The following CDH12 variants were observed in gnomAD, a reference collection of about 807,000 sequenced individuals.
CDH12 encodes cadherin 12, also known as cadherin-12.
In CDH12, 41 loss-of-function variants were observed where a neutral mutation model predicts 74.1. The observed-to-expected ratio is 0.55, with a 90% confidence interval of 0.43 to 0.72. The LOEUF (loss-of-function observed/expected upper bound fraction) is 0.72. Ranked by LOEUF, CDH12 falls within the 30% of genes least tolerant of loss-of-function variation. The pLI, the probability that CDH12 is intolerant of heterozygous loss-of-function variation, is 0.00. For synonymous variants in CDH12, 399 were observed against 355.0 expected (o/e 1.12, Z -1.39); for missense variants, 945 against 977.2 (o/e 0.97, Z 0.44).
chr5:22,395,204 A>G (rs1243616781), intron 3 of CDH12, among the ~76,000 whole-genome samples: 1 of 152,168 alleles, frequency 6.6e-6, no homozygotes, highest in Non-Finnish European at 1.5e-5. Context: ...TGAGTCAGAC[A>G]AAAGAGGAGA....
chr5:21,898,070 G>A (rs1172686548), intron 6 of CDH12, among the ~76,000 whole-genome samples: 1 of 151,852 alleles, frequency 6.6e-6, no homozygotes, highest in African/African-American at 2.4e-5. Context: ...ATGACCTTAT[G>A]TAGTAAAAGT....
chr5:22,165,475 A>G (rs1432275662), intron 4 of CDH12, among the ~76,000 whole-genome samples: 1 of 140,962 alleles, frequency 7.1e-6, no homozygotes, highest in East Asian at 2.1e-4. Context: ...CCAGCCTCCC[A>G]ACACACATAC....
intron 2 of CDH12, among the ~76,000 whole-genome samples, chr5:22,439,128 T>C (rs1744521876): frequency 6.6e-6 from 1 of 151,860 alleles, no homozygotes; most frequent in Non-Finnish European, 1.5e-5. Flanking sequence ...AAAACTTGCA[T>C]TATGACCTCC....
intron 6 of CDH12, among the ~76,000 whole-genome samples, chr5:21,880,125 C>T (rs2150029796): frequency 6.6e-6 from 1 of 152,300 alleles, no homozygotes; most frequent in South Asian, 2.1e-4. Context: ...TTACTTCTTA[C>T]AGTACTGAAC....
intron 3 of CDH12, among the ~76,000 whole-genome samples, chr5:22,276,113 A>G (rs138242761): frequency 9.8e-5 from 15 of 152,322 alleles, no homozygotes; most frequent in South Asian, 8.3e-4. Context: ...TAGTTAATTG[A>G]TGCCATGTAG....
intron 5 of CDH12, among the ~76,000 whole-genome samples, chr5:21,983,791 T>A (rs1757407562): frequency 6.6e-6 from 1 of 152,142 alleles, no homozygotes; most frequent in Non-Finnish European, 1.5e-5. Flanking sequence ...AGCAATAAAT[T>A]TATATTACTT....
chr5:22,193,448 C>T lies in CDH12; in HGVS notation c.-187+19050G>A, dbSNP rs564188966. ...ATGTAAGTATTTTTGTCTCTTTTTG[C>T]TGGTTACTTTCCTAGGCATTGAGGA... On this transcript the variant is annotated intron_variant, in intron 4 of 14. Coordinates refer to ENST00000382254, the MANE Select transcript of CDH12 (RefSeq NM_004061.5). 2.0e-4 allele frequency among the ~76,000 whole-genome samples: 31 copies of T among 152,254 alleles called. No individual in the cohort carries two copies. The East Asian group carries it at 2.5e-3, about 12-fold the overall frequency.
intron 1 of CDH12, among the ~76,000 whole-genome samples, chr5:22,706,945 A>G (rs982730610): frequency 6.6e-6 from 1 of 152,184 alleles, no homozygotes; most frequent in African/African-American, 2.4e-5. Context: ...TTTACACCCA[A>G]ACAAGACAGG....
intron 3 of CDH12, among the ~76,000 whole-genome samples, chr5:22,374,542 T>A (rs1307883632): frequency 6.6e-6 from 1 of 152,096 alleles, no homozygotes; most frequent in African/African-American, 2.4e-5. Context: ...GGTGATATAA[T>A]CTTACATCTA....
In CDH12 at chr5:22,552,254, T is replaced by C. The variant is rs576037926; in HGVS notation, c.-522-46890A>G. 1.2e-4 allele frequency among the ~76,000 whole-genome samples: 18 copies of C among 152,226 alleles called. No homozygotes were observed. In the East Asian group the frequency reaches 3.5e-3, roughly 29 times the overall value. On this transcript the variant is annotated intron_variant, in intron 1 of 14. Coordinates refer to ENST00000382254, the MANE Select transcript of CDH12 (RefSeq NM_004061.5). ...TCCCCAAGCTCATGTTTTCCTAAGA[T>C]CTCTTGTTGTTGCTTTTTTAAAACA...
chr5:22,518,072 G>C (rs1736882840), intron 1 of CDH12, among the ~76,000 whole-genome samples: 1 of 152,174 alleles, frequency 6.6e-6, no homozygotes, highest in Non-Finnish European at 1.5e-5. Context: ...GTTTTGTGGG[G>C]TCCCTGTCTG....
chr5:21,759,415 C>CTAAATAAATAAA (rs370887379), intron 13 of CDH12, among the ~76,000 whole-genome samples: 6 of 151,554 alleles, frequency 4.0e-5, no homozygotes, highest in African/African-American at 1.5e-4. Flanking sequence ...CTCCCTCCCT[C>CTAAATAAATAAA]TAAATAAATA....
intron 4 of CDH12, among the ~76,000 whole-genome samples, chr5:22,146,126 T>C (rs937758649): frequency 1.3e-5 from 2 of 152,066 alleles, no homozygotes; most frequent in East Asian, 1.9e-4. Flanking sequence ...TTCTAATCAA[T>C]ATTAGTTAAT....
At chr5:22,088,313 G>C (rs1315620775) in intron 4 of CDH12, among the ~76,000 whole-genome samples, 2 of 152,084 alleles carry the variant, frequency 1.3e-5, no homozygotes, top group African/African-American at 4.8e-5. Flanking sequence ...TTTCTAGTGG[G>C]TGTGGAGGAG....
chr5:21,895,818 T>C (rs913505733), intron 6 of CDH12, among the ~76,000 whole-genome samples: 1 of 152,036 alleles, frequency 6.6e-6, no homozygotes, highest in Admixed American at 6.6e-5. Context: ...CAAATAACTG[T>C]GCATGAGGGT....
intron 1 of CDH12, among the ~76,000 whole-genome samples, chr5:22,646,730 A>G (rs1282246193): frequency 6.6e-6 from 1 of 151,916 alleles, no homozygotes; most frequent in Non-Finnish European, 1.5e-5. Context: ...AGAATGCAGG[A>G]CAATTCAAAT....
chr5:21,943,167 A>C (rs1755416500), intron 6 of CDH12, among the ~76,000 whole-genome samples: 1 of 152,170 alleles, frequency 6.6e-6, no homozygotes. Context: ...AGCCATGCAG[A>C]ACTGTGAGTC....
At chr5:21,767,180 T>C (rs1017730540) in intron 11 of CDH12, among the ~76,000 whole-genome samples, 3 of 151,874 alleles carry the variant, frequency 2.0e-5, no homozygotes, top group Non-Finnish European at 4.4e-5. Context: ...ATATAATGTA[T>C]GAGTCCTGCA....
intron 5 of CDH12, among the ~76,000 whole-genome samples, chr5:21,995,588 C>T (rs1397323347): frequency 5.3e-5 from 8 of 151,772 alleles, no homozygotes; most frequent in South Asian, 2.1e-4. Context: ...TGGAAAAATG[C>T]GGGGCCAGGG....
Sources: allele counts gnomAD v4.1 joint callset (sites outside exome capture counted in the v4.1 genomes callset), GRCh38; gene constraint gnomAD v4.1.1; transcripts MANE v1.5; gene names NCBI Gene and HGNC (gene_info 2026-07-23, HGNC 2026-07-21).